The following URGCP variants were observed in gnomAD, a reference collection of about 807,000 sequenced individuals.
URGCP encodes upregulator of cell proliferation.
A neutral mutation model predicts 24.6 loss-of-function variants in URGCP; 13 were observed. That is an observed-to-expected ratio of 0.53 (90% confidence interval 0.34 to 0.84). The LOEUF (loss-of-function observed/expected upper bound fraction) is 0.84, where lower values mean the gene tolerates loss of function less well. Ranked by LOEUF, URGCP falls within the 40% of genes least tolerant of loss-of-function variation. URGCP has a pLI of 0.01. For missense variants in URGCP, 899 were observed against 1,194.3 expected (o/e 0.75, Z 3.64); for synonymous variants, 444 against 487.2 (o/e 0.91, Z 1.17).
At chr7:43,919,927 A>T in intron 1 of URGCP, 19 of 1,324,572 alleles carry the variant, frequency 1.4e-5, no homozygotes, top group Non-Finnish European at 2.1e-5. Context: ...CCGTTCCGCA[A>T]GGAGGACATG....
At chr7:43,906,477 A>G in intron 1 of URGCP, 85 bp downstream of exon 1, 2 of 1,106,890 alleles carry the variant, frequency 1.8e-6, no homozygotes, top group Non-Finnish European at 2.2e-6. Context: ...CCCAGACCAG[A>G]GCCCGCAGGC....
At chr7:43,919,563 A>G (rs2095919733) in intron 1 of URGCP, 2 of 1,412,798 alleles carry the variant, frequency 1.4e-6, no homozygotes, top group Non-Finnish European at 2.0e-6. Flanking sequence ...GAGGAAGACC[A>G]TGGTCCTGGA....
intron 1 of URGCP, among the ~76,000 whole-genome samples, chr7:43,925,509 A>G (rs2095928295): frequency 6.6e-6 from 1 of 151,782 alleles, no homozygotes; most frequent in Non-Finnish European, 1.5e-5. Context: ...TTTATTTTTT[A>G]TTATTTTTGA....
rs2232109 is a variant in URGCP at position 43,876,892 on chromosome 7, G to A, written c.2571C>T (p.Asp857=). Reference sequence around the variant, plus strand: ...CCAGGCCTGCCAGTGCCCGGAAGCCGTCGCCCTGTTTCTCCATCTGGGCTG... The same window carrying A: ...CCAGGCCTGCCAGTGCCCGGAAGCCATCGCCCTGTTTCTCCATCTGGGCTG... ...RAAAQMEKQG[D]GFRALAGLAF... is the part of the protein sequence containing the mutation. The change falls in exon 6 of 6, where the codon GAC becomes GAT. Residue 857 remains aspartate (D), a synonymous_variant. Coordinates refer to ENST00000453200, the MANE Select transcript of URGCP (RefSeq NM_001077663.3). 0.12 allele frequency: 193,560 copies of A among 1,613,820 alleles called. 12,515 individuals carry two copies. The highest frequency in any genetic ancestry group is 0.15 in the Middle Eastern group (939 of 6,062).
intron 1 of URGCP, 26 bp from the exon 2 acceptor site, chr7:43,887,842 A>T: frequency 6.8e-7 from 1 of 1,460,264 alleles, no homozygotes; most frequent in Non-Finnish European, 9.4e-7. Flanking sequence ...AGATTTAGTT[A>T]CAAAGATGTT....
intron 2 of URGCP, 110 bp downstream of exon 2, chr7:43,887,680 C>G: frequency 2.0e-6 from 3 of 1,497,454 alleles, no homozygotes; most frequent in Non-Finnish European, 2.7e-6. Flanking sequence ...CTCAATGATT[C>G]TGATATGCAC....
chr7:43,887,469 C>A lies in URGCP; in HGVS notation c.58G>T (p.Glu20Ter), dbSNP rs1275943236. ...GATGCTTTTATTTCTGGGGCTACTT[C>A]TCCCAAATCTGAATGCCTGAAACAA... is the stretch of plus-strand genomic sequence containing the variant. The part of the protein sequence containing the change: ...LLGKGHSDLG[E>*]VAPEIKASER... The change falls in exon 3 of 6, where the codon GAA becomes TAA. Residue 20 changes from glutamate to a stop codon, truncating the protein, a stop_gained. Coordinates refer to ENST00000453200, the MANE Select transcript of URGCP (RefSeq NM_001077663.3). LOFTEE classifies it high-confidence loss of function. 3 of 1,613,842 alleles carry A rather than the reference C, an allele frequency of 1.9e-6. No individual in the cohort carries two copies.
At chr7:43,916,487 A>G (rs1322948064) in intron 1 of URGCP, among the ~76,000 whole-genome samples, 1 of 152,174 alleles carries the variant, frequency 6.6e-6, no homozygotes, top group Admixed American at 6.5e-5. Flanking sequence ...GCCCTAGGAA[A>G]GAAAACTGGA....
chr7:43,923,793 C>G (rs188326629), intron 1 of URGCP, among the ~76,000 whole-genome samples: 1 of 152,156 alleles, frequency 6.6e-6, no homozygotes, highest in African/African-American at 2.4e-5. Context: ...TTTTTGTTTT[C>G]TAGTTGGTAT....
intron 1 of URGCP, among the ~76,000 whole-genome samples, chr7:43,918,004 T>A (rs1430723866): frequency 1.3e-5 from 2 of 152,030 alleles, no homozygotes; most frequent in African/African-American, 4.8e-5. Flanking sequence ...CTGGGCATAG[T>A]GGTTCACGCC....
chr7:43,883,858 A>C (rs2095858361), intron 3 of URGCP, among the ~76,000 whole-genome samples: 1 of 151,664 alleles, frequency 6.6e-6, no homozygotes, highest in South Asian at 2.1e-4. Context: ...TGAGAAGATC[A>C]GAGAAGGCAC....
Position 43,878,995 on chromosome 7 carries a change from G to C in URGCP, c.468C>G (p.Ile156Met), listed in dbSNP as rs149084850. The C allele has an allele frequency of 1.9e-6, 3 of 1,614,240 alleles. No homozygotes were observed. The highest frequency in any genetic ancestry group is 4.5e-5 in the East Asian group (2 of 44,892). ...EKESQMEEEI[I>M]YWDPADDLAA... ...CAAGGTCATCAGCTGGGTCCCAGTA[G>C]ATGATCTCCTCTTCCATCTGGCTCT... is the stretch of plus-strand genomic sequence containing the variant. The change falls in exon 6 of 6, where the codon ATC becomes ATG. Residue 156 changes from isoleucine (I) to methionine (M), a missense_variant. By Grantham distance (10) the Ile-to-Met change is conservative. Coordinates refer to ENST00000453200, the MANE Select transcript of URGCP (RefSeq NM_001077663.3). This position sits in a 1 kb window ranked among gnomAD's most constrained non-coding sequence, Gnocchi z 5.6.
chr7:43,917,962 A>AAAAACAAAAC (rs796272291), intron 1 of URGCP, among the ~76,000 whole-genome samples: 2 of 152,048 alleles, frequency 1.3e-5, no homozygotes, highest in Non-Finnish European at 2.9e-5. Context: ...GACCGTCTCA[A>AAAAACAAAAC]AAAACAAAAC....
At chr7:43,880,286 C>T (rs1007426883) in intron 5 of URGCP, among the ~76,000 whole-genome samples, 2 of 152,166 alleles carry the variant, frequency 1.3e-5, no homozygotes, top group African/African-American at 4.8e-5. Context: ...TAAGTGAGCA[C>T]TTACTTGCGC....
At chr7:43,881,551 A>C in intron 5 of URGCP, 108 bp downstream of exon 5, 1 of 1,428,266 alleles carries the variant, frequency 7.0e-7, no homozygotes, top group Non-Finnish European at 9.7e-7. Context: ...CCTAAACCTG[A>C]GTGCTCTGCC....
rs34553486 is a variant in URGCP at position 43,892,219 on chromosome 7, A to ATTT, written c.15-4406_15-4404dup. Among the ~76,000 whole-genome samples, 67 of 125,350 alleles carry ATTT rather than the reference A, an allele frequency of 5.3e-4. 1 individual carries two copies. The highest frequency in any genetic ancestry group is 8.0e-4 in the African/African-American group (26 of 32,404). The allele number at this position is 125,350 out of a possible 152,430, so 82.2% of individuals were successfully genotyped here. On this transcript the variant is annotated intron_variant, in intron 1 of 5. Transcript: ENST00000453200. ...AGGTGTGAGCCACTGCGCCCAGCCA[A>ATTT]TTTTTTTTTTTTTTTTTTTTTTGAG...
chr7:43,899,469 T>C (rs1004421169), intron 1 of URGCP, among the ~76,000 whole-genome samples: 1 of 151,890 alleles, frequency 6.6e-6, no homozygotes, highest in African/African-American at 2.4e-5. Context: ...TATAAGTAAA[T>C]TGAGGTTCAA....
chr7:43,898,258 A>G (rs976676730), intron 1 of URGCP, among the ~76,000 whole-genome samples: 2 of 152,236 alleles, frequency 1.3e-5, no homozygotes, highest in Non-Finnish European at 2.9e-5. Flanking sequence ...CCTGAAAACT[A>G]TCATAAACAA....
chr7:43,919,755 C>T, intron 1 of URGCP: 1 of 1,361,984 alleles, frequency 7.3e-7, no homozygotes, highest in South Asian at 1.2e-5. Flanking sequence ...CCTGTTGGGC[C>T]CCACCAGCAT....
Sources: gnomAD v4.1 joint callset for allele counts (sites outside exome capture counted in the v4.1 genomes callset) on GRCh38, gnomAD v4.1.1 for gene constraint, Gnocchi (gnomAD v3.1) non-coding constraint, MANE v1.5 for transcripts, NCBI Gene and HGNC (gene_info 2026-07-23, HGNC 2026-07-21) for gene names.